The following TUBA3D variants were observed in gnomAD, a reference collection of about 807,000 sequenced individuals.
TUBA3D encodes tubulin alpha-3D chain.
Under a neutral mutation model 36.1 loss-of-function variants are expected in TUBA3D, and 24 were observed. The ratio of observed to expected loss-of-function variants is 0.66; its 90% CI spans 0.48 to 0.93. The LOEUF (loss-of-function observed/expected upper bound fraction) is 0.93, where lower values mean the gene tolerates loss of function less well. Ranked by LOEUF, TUBA3D falls within the 40% of genes least tolerant of loss-of-function variation. The pLI is 0.00. For missense variants in TUBA3D, 356 were observed against 614.5 expected, an observed-to-expected ratio of 0.58 and a Z score of 4.45; for synonymous variants, 185 against 247.2, an observed-to-expected ratio of 0.75 and a Z score of 2.36.
intron 1 of TUBA3D, among the ~76,000 whole-genome samples, chr2:131,477,027 C>CT (rs1167783157): frequency 3.9e-5 from 5 of 128,794 alleles, no homozygotes; most frequent in Admixed American, 2.1e-4. Flanking sequence ...TTTTTCCTTT[C>CT]TTTTTCTTTC....
intron 1 of TUBA3D, 92 bp from the exon 2 acceptor site, chr2:131,478,072 G>C (rs2695520): frequency 5.0e-5 from 76 of 1,509,236 alleles, no homozygotes; most frequent in East Asian, 3.1e-4. Flanking sequence ...TACTGAAGCA[G>C]TATATAAATA....
intron 1 of TUBA3D, among the ~76,000 whole-genome samples, chr2:131,476,486 G>A (rs71428586): frequency 6.6e-5 from 10 of 152,178 alleles, no homozygotes; most frequent in Non-Finnish European, 1.0e-4. Flanking sequence ...TCCTGAAGAC[G>A]GGAGGGCGCT....
Position 131,482,587 on chromosome 2 carries a change from C to A in TUBA3D, c.1092C>A (p.Pro364=), listed in dbSNP as rs775903908. 2 of 1,612,868 alleles carry A rather than the reference C, an allele frequency of 1.2e-6. No homozygotes were observed. Among genetic ancestry groups the A allele is most frequent in the East Asian group, 4.5e-5 (2 of 44,852 alleles). ...GINYQPPTVV[P]GGDLAKVQRA... ...ACTACCAGCCCCCCACAGTGGTCCC[C>A]GGGGGAGACCTGGCCAAGGTGCAGC... The change falls in exon 5 of 5, where the codon CCC becomes CCA. Residue 364 remains proline, a synonymous_variant. Coordinates refer to ENST00000321253, the MANE Select transcript of TUBA3D (RefSeq NM_080386.4).
chr2:131,479,397 G>C lies in TUBA3D; in HGVS notation c.316G>C (p.Gly106Arg), dbSNP rs759681054. The C allele has an allele frequency of 6.2e-7, 1 of 1,614,158 alleles. No individual in the cohort carries two copies. Among genetic ancestry groups the C allele is most frequent in the Non-Finnish European group, 8.5e-7 (1 of 1,180,044 alleles). ...AGATGCAGCCAATAATTACGCCAGG[G>C]GCCATTACACCATCGGCAAGGAGAT... is the stretch of plus-strand genomic sequence containing the variant. Reference protein sequence around the residue: ...KEDAANNYARGHYTIGKEIVD... With the variant: ...KEDAANNYARRHYTIGKEIVD... The change falls in exon 3 of 5, where the codon GGC becomes CGC. Residue 106 changes from glycine to arginine, a missense_variant. Around this residue, in one of 3 missense-constraint regions of TUBA3D, gnomAD observed 109 missense variants for 153.7 expected, o/e 0.71. Transcript: ENST00000321253.
intron 3 of TUBA3D, among the ~76,000 whole-genome samples, 189 bp downstream of exon 3, chr2:131,479,645 G>C (rs1315052743): frequency 6.6e-6 from 1 of 152,166 alleles, no homozygotes; most frequent in Non-Finnish European, 1.5e-5. Flanking sequence ...TTTGAGACCA[G>C]CCTGGCCTAC....
chr2:131,479,200 A>G (rs1678767181), intron 2 of TUBA3D, 108 bp from the exon 3 acceptor site: 3 of 1,500,270 alleles, frequency 2.0e-6, no homozygotes, highest in South Asian at 1.4e-5. Flanking sequence ...CATGTAGGTC[A>G]TGTACTTTGA....
At chr2:131,476,902 T>C (rs1323240240) in intron 1 of TUBA3D, among the ~76,000 whole-genome samples, 4 of 147,090 alleles carry the variant, frequency 2.7e-5, no homozygotes, top group Non-Finnish European at 5.9e-5. Flanking sequence ...GCCAGTGCAC[T>C]CCAGCCTGGG....
At chr2:131,478,131 T>G in intron 1 of TUBA3D, 33 bp from the exon 2 acceptor site, 1 of 1,596,594 alleles carries the variant, frequency 6.3e-7, no homozygotes, top group African/African-American at 1.3e-5. Flanking sequence ...TGCCTTGAAA[T>G]GAATGGGTTC....
chr2:131,476,627 C>A (rs1442986126), intron 1 of TUBA3D, among the ~76,000 whole-genome samples: 1 of 152,164 alleles, frequency 6.6e-6, no homozygotes, highest in Non-Finnish European at 1.5e-5. Context: ...GCAACATTGC[C>A]TTGTTCACCT....
chr2:131,476,845 G>C (rs1279768153), intron 1 of TUBA3D, among the ~76,000 whole-genome samples: 1 of 150,424 alleles, frequency 6.6e-6, no homozygotes, highest in Non-Finnish European at 1.5e-5. Context: ...TGAGGTGGGA[G>C]GATCAGCCGA....
Position 131,479,452 on chromosome 2 carries a change from A to T in TUBA3D, c.371A>T (p.Lys124Ile), listed in dbSNP as rs748109018. Residue 124 changes from lysine (K) to isoleucine (I), a missense_variant, in exon 3 of 5, where the codon AAA (lysine) becomes ATA (isoleucine). By Grantham distance (102) the Lys-to-Ile change is moderately radical. Transcript: ENST00000321253. ...IVDLVLDRIRKLADLCTGLQG... is the reference protein window; with the variant it reads ...IVDLVLDRIRILADLCTGLQG... ...GACCTAGTCCTGGACCGGATCCGCA[A>T]ACTGGTAAGAAGAGAAGGTTTCATG... The T allele has an allele frequency of 1.2e-6, 2 of 1,614,112 alleles. No homozygotes were observed. Among genetic ancestry groups the T allele is most frequent in the Non-Finnish European group, 1.7e-6 (2 of 1,180,008 alleles).
intron 2 of TUBA3D, among the ~76,000 whole-genome samples, chr2:131,479,033 T>C (rs1003773994): frequency 1.3e-5 from 2 of 152,248 alleles, no homozygotes; most frequent in African/African-American, 4.8e-5. Context: ...TGTACCTGCG[T>C]AGGAGTGCCA....
Position 131,482,830 on chromosome 2 carries a change from A to C in TUBA3D, c.1335A>C (p.Glu445Asp). 1.2e-6 allele frequency: 2 copies of C among 1,613,916 alleles called. No homozygotes were observed. Among genetic ancestry groups the C allele is most frequent in the South Asian group, 2.2e-5 (2 of 91,072 alleles). The change falls in exon 5 of 5, where the codon GAA becomes GAC. Residue 445 changes from glutamate (E) to aspartate (D), a missense_variant. Glu to Asp is a conservative substitution (Grantham distance 45, BLOSUM62 2). Transcript: ENST00000321253. Reference protein sequence around the residue: ...VGVDSVEAEAEEGEEY With the variant: ...VGVDSVEAEADEGEEY ...TGGATTCCGTGGAAGCTGAGGCTGA[A>C]GAAGGCGAAGAATACTGAGGGGAGG...
rs1678817587 is a variant in TUBA3D, at chr2:131,480,380, C to T, written c.687C>T (p.Arg229=). The T allele has an allele frequency of 2.5e-6, 4 of 1,607,100 alleles. No individual in the cohort carries two copies. The highest frequency in any genetic ancestry group is 3.4e-6 in the Non-Finnish European group (4 of 1,179,526). ...IERPTYTNLN[R]LIGQIVSSIT... Reference sequence around the variant, plus strand: ...GTCCCACGTACACCAACCTCAATCGCCTGATTGGGCAGATCGTGTCCTCCA... The same window carrying T: ...GTCCCACGTACACCAACCTCAATCGTCTGATTGGGCAGATCGTGTCCTCCA... The change falls in exon 4 of 5, where the codon CGC becomes CGT. Residue 229 remains arginine, a synonymous_variant. Transcript: ENST00000321253.
At position 131,479,338 on chromosome 2, in the gene TUBA3D, T is replaced by C; in HGVS notation, c.257T>C (p.Leu86Pro). The C allele has an allele frequency of 1.9e-6, 3 of 1,614,114 alleles. No individual in the cohort carries two copies. Among genetic ancestry groups the C allele is most frequent in the Non-Finnish European group, 2.5e-6 (3 of 1,180,018 alleles). Residue 86 changes from leucine to proline, a missense_variant, in exon 3 of 5, where the codon CTC (leucine) becomes CCC (proline). Physicochemically the swap from Leu to Pro is moderately conservative, Grantham distance 98. This residue lies in a region of TUBA3D where 109 missense variants were observed against 153.7 expected (regional missense o/e 0.71). Coordinates refer to ENST00000321253, the MANE Select transcript of TUBA3D (RefSeq NM_080386.4). ...GTGCGCACAGGGACCTACAGGCAGC[T>C]CTTCCACCCGGAGCAGCTGATCACC... The part of the protein sequence containing the change: ...DEVRTGTYRQ[L>P]FHPEQLITGK...
rs115213445 is a variant in TUBA3D at position 131,477,959 on chromosome 2, C to T, written c.4-205C>T. On this transcript the variant is annotated intron_variant, in intron 1 of 4. Coordinates refer to ENST00000321253, the MANE Select transcript of TUBA3D (RefSeq NM_080386.4). ...TGGCAAACAGGTTCTAGGGCTACCT[C>T]TAGAACTTACTAGCTAGTATGGTTT... is the stretch of plus-strand genomic sequence containing the variant. Among the ~76,000 whole-genome samples the T allele has an allele frequency of 1.5e-3, 234 of 152,274 alleles. 1 individual carries two copies. The highest frequency in any genetic ancestry group is 5.4e-3 in the African/African-American group (225 of 41,548).
At chr2:131,477,478 C>T (rs903754386) in intron 1 of TUBA3D, among the ~76,000 whole-genome samples, 1 of 152,018 alleles carries the variant, frequency 6.6e-6, no homozygotes, top group African/African-American at 2.4e-5. Flanking sequence ...GGGCAGCCTG[C>T]CAAAAGTGTG....
chr2:131,476,575 G>C (rs1029557947), intron 1 of TUBA3D, among the ~76,000 whole-genome samples: 1 of 152,318 alleles, frequency 6.6e-6, no homozygotes, highest in Non-Finnish European at 1.5e-5. Context: ...GGTTGGGGCT[G>C]TGGACATTGA....
intron 1 of TUBA3D, among the ~76,000 whole-genome samples, chr2:131,477,199 G>A (rs1678703976): frequency 6.6e-6 from 1 of 151,348 alleles, no homozygotes; most frequent in South Asian, 2.1e-4. Flanking sequence ...CACCACACCT[G>A]GCTAATTTGT....
Sources: gnomAD v4.1 joint callset for allele counts (sites outside exome capture counted in the v4.1 genomes callset) on GRCh38, gnomAD v4.1.1 for gene constraint, gnomAD v4.1.1 regional missense constraint, MANE v1.5 for transcripts, NCBI Gene and HGNC (gene_info 2026-07-23, HGNC 2026-07-21) for gene names.